The following INSR variants were observed in gnomAD, a reference collection of about 807,000 sequenced individuals.
INSR encodes the protein insulin receptor.
In INSR, 67 loss-of-function variants were observed where a neutral mutation model predicts 142.6. The observed-to-expected ratio is 0.47, with a 90% confidence interval of 0.39 to 0.58. The LOEUF (loss-of-function observed/expected upper bound fraction) is 0.58. Among genes scored for constraint, INSR ranks in the 20% least tolerant of loss-of-function variants. The pLI is 0.00. For synonymous variants in INSR, 756 were observed against 743.1 expected, an observed-to-expected ratio of 1.02 and a Z score of -0.28; for missense variants, 1,248 against 1,833.2, an observed-to-expected ratio of 0.68 and a Z score of 5.83.
At chr19:7,131,019 C>T (rs530265003) in intron 14 of INSR, among the ~76,000 whole-genome samples, 3 of 150,212 alleles carry the variant, frequency 2.0e-5, no homozygotes, top group East Asian at 3.9e-4. Flanking sequence ...GCTGGGACTG[C>T]GGGTGCACAC....
chr19:7,153,034 A>AC lies in INSR; in HGVS notation c.2030-108dup, dbSNP rs1323015484. 8.4e-4 allele frequency: 311 copies of AC among 372,402 alleles called. 5 individuals carry two copies. The highest frequency in any genetic ancestry group is 7.5e-3 in the African/African-American group (78 of 10,368). The allele number at this position is 372,402 out of a possible 1,614,324, so 23.1% of individuals were successfully genotyped here. A position where few individuals can be genotyped will look rare whatever the true frequency, so the allele number is the denominator to read the frequency against. ...CACACCACACACACACACCACACAC[A>AC]CACACACCACACACCCCCCCACACA... On this transcript the variant is annotated intron_variant, in intron 9 of 21. Transcript: ENST00000302850.
At chr19:7,273,267 G>A (rs1006381618) in intron 1 of INSR, among the ~76,000 whole-genome samples, 24 of 152,182 alleles carry the variant, frequency 1.6e-4, no homozygotes, top group South Asian at 8.3e-4. Context: ...CATTAAAGCC[G>A]TATGTGTCCC....
At chr19:7,238,783 T>G (rs958855068) in intron 2 of INSR, among the ~76,000 whole-genome samples, 5 of 151,856 alleles carry the variant, frequency 3.3e-5, no homozygotes, top group African/African-American at 1.2e-4. Flanking sequence ...AAGAGGCTCC[T>G]ATGGGCTAAG....
chr19:7,122,150 G>GA (rs796128083), intron 19 of INSR, among the ~76,000 whole-genome samples: 1,454 of 76,628 alleles, frequency 0.019, 7 homozygotes, highest in African/African-American at 0.043. Flanking sequence ...TCAGAAAAAA[G>GA]AAAAAAAAAA....
chr19:7,184,821 C>T (rs1599959349), intron 2 of INSR, among the ~76,000 whole-genome samples, 184 bp from the exon 3 acceptor site: 1 of 152,116 alleles, frequency 6.6e-6, no homozygotes, highest in Admixed American at 6.6e-5. Flanking sequence ...ATGTCAGACA[C>T]ATCTATTAAC....
intron 1 of INSR, among the ~76,000 whole-genome samples, chr19:7,286,272 T>C (rs1011205615): frequency 6.6e-6 from 1 of 152,042 alleles, no homozygotes; most frequent in Non-Finnish European, 1.5e-5. Context: ...AGTGGCCCCA[T>C]GACACCTAGC....
chr19:7,167,807 C>T (rs1270726567), intron 7 of INSR, among the ~76,000 whole-genome samples, 161 bp downstream of exon 7: 2 of 152,056 alleles, frequency 1.3e-5, no homozygotes, highest in South Asian at 4.1e-4. Flanking sequence ...CTTTGCATGC[C>T]ATCGACTGGT....
Position 7,269,038 on chromosome 19 carries a change from C to CA in INSR, c.101-1143_101-1142insT, listed in dbSNP as rs1967827141. 8.2e-5 allele frequency among the ~76,000 whole-genome samples: 12 copies of CA among 146,958 alleles called. No individual in the cohort carries two copies. The East Asian group carries it at 2.5e-3, about 30-fold the overall frequency. On this transcript the variant is annotated intron_variant, in intron 1 of 21. Coordinates refer to ENST00000302850, the MANE Select transcript of INSR (RefSeq NM_000208.4). ...TCTCTCTGCCAACACACCCACACAC[C>CA]CACACACACACACACACACACACCG...
intron 3 of INSR, among the ~76,000 whole-genome samples, chr19:7,177,640 G>A (rs543883348): frequency 1.8e-3 from 268 of 150,052 alleles, no homozygotes; most frequent in African/African-American, 5.9e-3. Flanking sequence ...TGATTCTCCT[G>A]CCTCAGCCTC....
At chr19:7,143,320 T>C (rs1208032621) in intron 11 of INSR, among the ~76,000 whole-genome samples, 1 of 152,198 alleles carries the variant, frequency 6.6e-6, no homozygotes, top group African/African-American at 2.4e-5. Flanking sequence ...TCGTGAGGGA[T>C]GAGTGCTTCT....
chr19:7,144,056 A>AC (rs199849409), intron 11 of INSR, among the ~76,000 whole-genome samples: 10,871 of 143,642 alleles, frequency 0.076, 553 homozygotes, highest in African/African-American at 0.15. Flanking sequence ...CTCTGTCTCA[A>AC]AAAAAAAAAA....
chr19:7,255,831 G>T (rs544442692), intron 2 of INSR, among the ~76,000 whole-genome samples: 2 of 151,806 alleles, frequency 1.3e-5, no homozygotes, highest in South Asian at 4.2e-4. Context: ...CTCCTGCCTC[G>T]GCCTCCCAAA....
chr19:7,256,786 T>G (rs909876797), intron 2 of INSR, among the ~76,000 whole-genome samples: 1 of 151,738 alleles, frequency 6.6e-6, no homozygotes, highest in Non-Finnish European at 1.5e-5. Context: ...GAATTACAAC[T>G]ACTGTGGAAT....
At chr19:7,285,354 G>A (rs1968319760) in intron 1 of INSR, among the ~76,000 whole-genome samples, 1 of 152,126 alleles carries the variant, frequency 6.6e-6, no homozygotes, top group African/African-American at 2.4e-5. Context: ...AAAGGCTGAG[G>A]CAGGAGAGTT....
In INSR at chr19:7,184,640, G is replaced by GGA. The variant is rs3835070; in HGVS notation, c.653-5_653-4dup. The stretch of plus-strand genomic sequence containing the variant: ...TGACTTACAGATGGTCGGGCAAACT[G>GGA]GAGAGAGAGAGAGAGAGAGAGGGAA... On this transcript the variant is annotated splice_region_variant and splice_polypyrimidine_tract_variant and intron_variant, in intron 2 of 21. Coordinates refer to ENST00000302850, the MANE Select transcript of INSR (RefSeq NM_000208.4). 0.07 allele frequency: 96,721 copies of GGA among 1,372,344 alleles called. 5,188 individuals carry two copies. The highest frequency in any genetic ancestry group is 0.31 in the African/African-American group (19,054 of 60,920). 85.0% of individuals were successfully genotyped at this position (1,372,344 alleles called of 1,614,324 possible). A position where few individuals can be genotyped will look rare whatever the true frequency, so the allele number is the denominator to read the frequency against.
intron 11 of INSR, among the ~76,000 whole-genome samples, chr19:7,144,684 A>G (rs889080705): frequency 1.3e-5 from 2 of 149,692 alleles, no homozygotes; most frequent in Non-Finnish European, 3.0e-5. Context: ...GATTACAGGC[A>G]TGAGCCACCG....
intron 9 of INSR, among the ~76,000 whole-genome samples, chr19:7,154,472 TG>T (rs1973534886): frequency 6.7e-6 from 1 of 149,898 alleles, no homozygotes; most frequent in Non-Finnish European, 1.5e-5. Context: ...CCGGCTAATT[TG>T]TTGTATTTTT....
chr19:7,126,759 TC>T, intron 15 of INSR, 108 bp from the exon 16 acceptor site: 1 of 978,452 alleles, frequency 1.0e-6, no homozygotes, highest in Non-Finnish European at 1.6e-6. Flanking sequence ...ACCAGCAGAA[TC>T]CCCATAATCC....
chr19:7,249,946 C>T lies in INSR; in HGVS notation c.652+17399G>A, dbSNP rs140921161. ...GGTGGAGGTTACAGACAGCTGAGAT[C>T]GCACCACTGCACTCCAACCTGGGCA... On this transcript the variant is annotated intron_variant, in intron 2 of 21. Coordinates refer to ENST00000302850, the MANE Select transcript of INSR (RefSeq NM_000208.4). Among the ~76,000 whole-genome samples the T allele has an allele frequency of 1.4e-3, 207 of 151,772 alleles. 1 individual carries two copies. The highest frequency in any genetic ancestry group is 4.6e-3 in the African/African-American group (192 of 41,382).
Sources: gnomAD v4.1 joint callset for allele counts (sites outside exome capture counted in the v4.1 genomes callset) on GRCh38, gnomAD v4.1.1 for gene constraint, MANE v1.5 for transcripts, NCBI Gene and HGNC (gene_info 2026-07-23, HGNC 2026-07-21) for gene names.